The following SIPA1L1 variants were observed in gnomAD, a reference collection of about 807,000 sequenced individuals.
SIPA1L1 encodes signal-induced proliferation-associated 1-like protein 1.
Under a neutral mutation model 162.7 loss-of-function variants are expected in SIPA1L1, and 26 were observed. The ratio of observed to expected loss-of-function variants is 0.16; its 90% CI spans 0.12 to 0.22. The LOEUF (loss-of-function observed/expected upper bound fraction) is 0.22. Among genes scored for constraint, SIPA1L1 ranks in the 10% least tolerant of loss-of-function variants. SIPA1L1 has a pLI of 1.00. For missense variants in SIPA1L1, 1,874 were observed against 2,241.0 expected, an observed-to-expected ratio of 0.84 and a Z score of 3.31; for synonymous variants, 829 against 837.4, an observed-to-expected ratio of 0.99 and a Z score of 0.17.
intron 1 of SIPA1L1, among the ~76,000 whole-genome samples, chr14:71,320,895 C>T (rs554313761): frequency 2.6e-5 from 4 of 152,112 alleles, no homozygotes; most frequent in Admixed American, 6.5e-5. Context: ...GCCACCTCCG[C>T]CTTCCCCTCC....
intron 2 of SIPA1L1, among the ~76,000 whole-genome samples, chr14:71,324,679 C>T (rs2033577692): frequency 6.6e-6 from 1 of 152,140 alleles, no homozygotes. Flanking sequence ...TTGCACAGAG[C>T]ATAATGTACT....
At chr14:71,512,470 C>T (rs1301875083) in intron 2 of SIPA1L1, among the ~76,000 whole-genome samples, 1 of 151,392 alleles carries the variant, frequency 6.6e-6, no homozygotes, top group Non-Finnish European at 1.5e-5. Flanking sequence ...GCCTATAGTC[C>T]CAGCTACTCG....
At chr14:71,435,644 A>G (rs2044320945) in intron 2 of SIPA1L1, among the ~76,000 whole-genome samples, 1 of 152,198 alleles carries the variant, frequency 6.6e-6, no homozygotes, top group Admixed American at 6.5e-5. Context: ...ATACGTGTGC[A>G]TGTGTCTTTA....
intron 2 of SIPA1L1, among the ~76,000 whole-genome samples, chr14:71,496,643 C>A (rs2049806100): frequency 6.6e-6 from 1 of 151,950 alleles, no homozygotes; most frequent in Non-Finnish European, 1.5e-5. Context: ...GTGTTTATAC[C>A]CTTGCTGATG....
At chr14:71,573,864 T>C (rs1231054817) in intron 4 of SIPA1L1, 1 of 375,532 alleles carries the variant, frequency 2.7e-6, no homozygotes, top group African/African-American at 2.1e-5. Flanking sequence ...TGATGCTTAT[T>C]ATACTCAGAA....
chr14:71,554,074 C>T (rs1029226470), intron 4 of SIPA1L1, among the ~76,000 whole-genome samples: 1 of 152,136 alleles, frequency 6.6e-6, no homozygotes, highest in East Asian at 1.9e-4. Context: ...TTAATATTTA[C>T]GACCTGTAGC....
intron 2 of SIPA1L1, among the ~76,000 whole-genome samples, chr14:71,474,984 T>C (rs2142350570): frequency 6.6e-6 from 1 of 152,328 alleles, no homozygotes. Context: ...GAATGTAGAA[T>C]GTCTTTGCTG....
At chr14:71,638,825 A>G (rs1481582677) in intron 7 of SIPA1L1, among the ~76,000 whole-genome samples, 2 of 152,364 alleles carry the variant, frequency 1.3e-5, no homozygotes, top group Admixed American at 6.5e-5. Flanking sequence ...ACATCAACTT[A>G]CAAAAATCAG....
chr14:71,738,250 C>T lies in SIPA1L1; in HGVS notation c.5133C>T (p.Asp1711=), dbSNP rs1382878701. 6.2e-7 allele frequency: 1 copy of T among 1,604,848 alleles called. No homozygotes were observed. Among genetic ancestry groups the T allele is most frequent in the Non-Finnish European group, 8.5e-7 (1 of 1,174,288 alleles). ...AQMKPYSSSK[D]SSPTLASKVD... ...TGTTTCTTGTTCCCAGCAGTAAAGA[C>T]TCCTCTCCCACTCTGGCTTCTAAAG... Residue 1711 remains aspartate (D), a synonymous_variant, in exon 23 of 24, where the codon GAC becomes GAT. Transcript: ENST00000381232.
At chr14:71,659,277 G>A (rs1051211563) in intron 9 of SIPA1L1, among the ~76,000 whole-genome samples, 3 of 152,156 alleles carry the variant, frequency 2.0e-5, no homozygotes, top group African/African-American at 2.4e-5. Flanking sequence ...TGCTAACAGA[G>A]CACAGGCCAG....
intron 2 of SIPA1L1, among the ~76,000 whole-genome samples, chr14:71,410,250 T>C (rs978332401): frequency 7.2e-5 from 11 of 152,238 alleles, no homozygotes; most frequent in Non-Finnish European, 1.3e-4. Flanking sequence ...CATCACACTA[T>C]GTCTACCTTA....
At chr14:71,415,330 C>G (rs139809251) in intron 2 of SIPA1L1, among the ~76,000 whole-genome samples, 29 of 152,220 alleles carry the variant, frequency 1.9e-4, no homozygotes, top group African/African-American at 6.7e-4. Flanking sequence ...TTTATTTGAC[C>G]GTTCCCAGCA....
At chr14:71,671,796 T>C (rs1322191347) in intron 11 of SIPA1L1, 104 bp downstream of exon 11, 3 of 800,062 alleles carry the variant, frequency 3.7e-6, no homozygotes. Context: ...TATTAGCTCC[T>C]CTGAAAACTC....
chr14:71,594,404 G>T (rs995945589), intron 5 of SIPA1L1, among the ~76,000 whole-genome samples: 13 of 152,134 alleles, frequency 8.5e-5, no homozygotes, highest in African/African-American at 2.9e-4. Flanking sequence ...TTCTAAAATT[G>T]TGTGCTTATT....
chr14:71,603,559 A>AGG (rs1213193108), intron 5 of SIPA1L1, among the ~76,000 whole-genome samples: 24 of 152,140 alleles, frequency 1.6e-4, no homozygotes, highest in Non-Finnish European at 3.5e-4. Flanking sequence ...CCCAGGCTTT[A>AGG]AGTGATCCTC....
chr14:71,610,178 G>T (rs967324534), intron 5 of SIPA1L1, among the ~76,000 whole-genome samples: 5 of 152,134 alleles, frequency 3.3e-5, no homozygotes, highest in African/African-American at 1.2e-4. Flanking sequence ...ATTGTTTGTT[G>T]TCTGCATTTA....
intron 10 of SIPA1L1, among the ~76,000 whole-genome samples, chr14:71,667,471 T>C (rs2044125432): frequency 6.6e-6 from 1 of 152,186 alleles, no homozygotes; most frequent in Non-Finnish European, 1.5e-5. Flanking sequence ...GCAAAGTGCC[T>C]AGCACATAGT....
intron 2 of SIPA1L1, among the ~76,000 whole-genome samples, chr14:71,505,805 GT>G (rs928967754): frequency 6.6e-6 from 1 of 152,050 alleles, no homozygotes; most frequent in Non-Finnish European, 1.5e-5. Context: ...ATGTTTCGGT[GT>G]ACACAAACTT....
intron 2 of SIPA1L1, among the ~76,000 whole-genome samples, chr14:71,420,399 C>T (rs112720030): frequency 8.5e-5 from 13 of 152,180 alleles, no homozygotes; most frequent in African/African-American, 3.1e-4. Flanking sequence ...GACTGTCTGT[C>T]TGCCTATCTA....
Sources: gnomAD v4.1 joint callset for allele counts (sites outside exome capture counted in the v4.1 genomes callset) on GRCh38, gnomAD v4.1.1 for gene constraint, MANE v1.5 for transcripts, NCBI Gene and HGNC (gene_info 2026-07-23, HGNC 2026-07-21) for gene names.